Variants in AMOTL1 observed in about 807,000 individuals in gnomAD.
The protein encoded by AMOTL1 is angiomotin-like protein 1.
A neutral mutation model predicts 102.9 loss-of-function variants in AMOTL1; 45 were observed. The ratio of observed to expected loss-of-function variants is 0.44; its 90% confidence interval spans 0.34 to 0.56. The LOEUF (loss-of-function observed/expected upper bound fraction) is 0.56, where lower values mean the gene tolerates loss of function less well. Ranked by LOEUF, AMOTL1 falls within the 20% of genes least tolerant of loss-of-function variation. AMOTL1 has a pLI of 0.01. For synonymous variants in AMOTL1, 481 were observed against 484.7 expected (o/e 0.99, Z 0.10); for missense variants, 1,114 against 1,225.6 (o/e 0.91, Z 1.36).
chr11:94,846,587 C>T (rs1237001228), intron 6 of AMOTL1, among the ~76,000 whole-genome samples: 1 of 152,186 alleles, frequency 6.6e-6, no homozygotes, highest in Non-Finnish European at 1.5e-5. Flanking sequence ...TAAATGGATA[C>T]ACATGTGAAT....
intron 1 of AMOTL1, among the ~76,000 whole-genome samples, chr11:94,717,652 G>C (rs531321098): frequency 1.3e-5 from 2 of 151,784 alleles, no homozygotes; most frequent in Non-Finnish European, 2.9e-5. Context: ...AACTTTTTAA[G>C]CATGGCTCCA....
chr11:94,707,004 C>T (rs1214124611), intron 1 of AMOTL1, among the ~76,000 whole-genome samples: 2 of 152,052 alleles, frequency 1.3e-5, no homozygotes, highest in African/African-American at 2.4e-5. Flanking sequence ...AAAAGCAGCT[C>T]TCTGGAGAGC....
At position 94,831,466 on chromosome 11, in the gene AMOTL1, G is replaced by A; in HGVS notation, c.1573G>A (p.Ala525Thr). 6.2e-7 allele frequency: 1 copy of A among 1,613,600 alleles called. No individual in the cohort carries two copies. Among genetic ancestry groups the A allele is most frequent in the South Asian group, 1.1e-5 (1 of 91,046 alleles). Residue 525 changes from alanine (A) to threonine (T), a missense_variant, in exon 6 of 13, where the codon GCT becomes ACT. By Grantham distance (58) the Ala-to-Thr change is moderately conservative. Transcript: ENST00000433060. ...NRDLRDRLET[A>T]NRQLSSREYE... ...TTTGTTCATAGATCGACTAGAGACT[G>A]CTAACAGGCAACTATCCAGCAGGGA...
chr11:94,728,619 C>G (rs1463585093), intron 1 of AMOTL1, among the ~76,000 whole-genome samples: 1 of 152,000 alleles, frequency 6.6e-6, no homozygotes, highest in African/African-American at 2.4e-5. Context: ...CCCACTATAT[C>G]CTGCCCTGAA....
intron 3 of AMOTL1, among the ~76,000 whole-genome samples, chr11:94,813,042 C>G (rs988078926): frequency 1.3e-5 from 2 of 152,234 alleles, no homozygotes; most frequent in African/African-American, 2.4e-5. Flanking sequence ...GAGCTACCCC[C>G]ATTCTCCGCA....
chr11:94,841,515 G>A (rs1272393012), intron 6 of AMOTL1, among the ~76,000 whole-genome samples: 7 of 152,156 alleles, frequency 4.6e-5, no homozygotes, highest in Admixed American at 4.6e-4. Flanking sequence ...GTTACAAAAA[G>A]TTTAAGTCTT....
chr11:94,742,813 G>A (rs781728651), intron 3 of AMOTL1, among the ~76,000 whole-genome samples: 1 of 152,056 alleles, frequency 6.6e-6, no homozygotes, highest in Non-Finnish European at 1.5e-5. Flanking sequence ...GTCTGGTGAG[G>A]GCCTGCTTCC....
chr11:94,792,912 A>G (rs1353856773), intron 1 of AMOTL1, among the ~76,000 whole-genome samples: 1 of 151,914 alleles, frequency 6.6e-6, no homozygotes, highest in Admixed American at 6.6e-5. Flanking sequence ...TCTTAAACCC[A>G]CTCTTAGTTA....
At chr11:94,785,282 G>T (rs1047050407) in intron 1 of AMOTL1, among the ~76,000 whole-genome samples, 1 of 152,156 alleles carries the variant, frequency 6.6e-6, no homozygotes, top group African/African-American at 2.4e-5. Flanking sequence ...TGCATTTATT[G>T]AGGGGTCTTT....
chr11:94,869,162 A>G, intron 11 of AMOTL1, 36 bp from the exon 12 acceptor site: 1 of 1,528,626 alleles, frequency 6.5e-7, no homozygotes, highest in Non-Finnish European at 8.8e-7. Flanking sequence ...AAAAAAGGAA[A>G]AAAAGAATGT....
chr11:94,849,623 T>A (rs1483667384), intron 6 of AMOTL1, among the ~76,000 whole-genome samples: 1 of 152,160 alleles, frequency 6.6e-6, no homozygotes, highest in Non-Finnish European at 1.5e-5. Context: ...ACCTGGAGAT[T>A]GGAGGCCTGA....
At chr11:94,737,847 C>A (rs1950457734) in intron 2 of AMOTL1, among the ~76,000 whole-genome samples, 1 of 152,166 alleles carries the variant, frequency 6.6e-6, no homozygotes, top group Non-Finnish European at 1.5e-5. Flanking sequence ...GAGGTAGAAA[C>A]CTATTTAGGC....
At chr11:94,753,305 GCTTT>G (rs1591931117) in intron 3 of AMOTL1, among the ~76,000 whole-genome samples, 1 of 137,466 alleles carries the variant, frequency 7.3e-6, no homozygotes, top group African/African-American at 2.7e-5. Context: ...CTGCTTTCCT[GCTTT>G]TTTTTTTTTT....
intron 3 of AMOTL1, among the ~76,000 whole-genome samples, chr11:94,755,124 A>G (rs1049674641): frequency 6.6e-6 from 1 of 152,220 alleles, no homozygotes; most frequent in Admixed American, 6.5e-5. Context: ...TTATCACCTC[A>G]GTTAGAAAAT....
At chr11:94,865,140 G>A (rs1952855824) in intron 10 of AMOTL1, among the ~76,000 whole-genome samples, 1 of 152,172 alleles carries the variant, frequency 6.6e-6, no homozygotes, top group South Asian at 2.1e-4. Context: ...GAATTTAGAT[G>A]TCTGTGTTAT....
At chr11:94,750,262 G>A (rs1378833491) in intron 3 of AMOTL1, among the ~76,000 whole-genome samples, 2 of 152,168 alleles carry the variant, frequency 1.3e-5, no homozygotes, top group African/African-American at 4.8e-5. Flanking sequence ...CTTGTCAGGG[G>A]AGCTGGGATT....
upstream of AMOTL1, among the ~76,000 whole-genome samples, chr11:94,764,209 C>T (rs1950828423): frequency 6.6e-6 from 1 of 151,938 alleles, no homozygotes; most frequent in Non-Finnish European, 1.5e-5. Context: ...CTTTAGCATA[C>T]TACACTCTGA....
chr11:94,738,767 C>T (rs927808726), intron 2 of AMOTL1, among the ~76,000 whole-genome samples: 1 of 151,992 alleles, frequency 6.6e-6, no homozygotes, highest in African/African-American at 2.4e-5. Flanking sequence ...GAGTGAGGGG[C>T]AGAGAAAAGG....
intron 3 of AMOTL1, among the ~76,000 whole-genome samples, chr11:94,752,754 C>T (rs2135491432): frequency 6.6e-6 from 1 of 152,232 alleles, no homozygotes; most frequent in South Asian, 2.1e-4. Context: ...CTTTTGGAAA[C>T]TTTAGGTTCT....
Sources: gnomAD v4.1 joint callset for allele counts (sites outside exome capture counted in the v4.1 genomes callset) on GRCh38, gnomAD v4.1.1 for gene constraint, MANE v1.5 for transcripts, NCBI Gene and HGNC (gene_info 2026-07-23, HGNC 2026-07-21) for gene names.